Variants in GOPC observed in about 807,000 individuals in gnomAD.
The protein encoded by GOPC is golgi associated PDZ and coiled-coil motif containing, also known as Golgi-associated PDZ and coiled-coil motif-containing protein.
A neutral mutation model predicts 51.2 loss-of-function variants in GOPC; 32 were observed. The ratio of observed to expected loss-of-function variants is 0.63; its 90% CI spans 0.47 to 0.84. The LOEUF (loss-of-function observed/expected upper bound fraction) is 0.84, where lower values mean the gene tolerates loss of function less well. Ranked by LOEUF, GOPC falls within the 40% of genes least tolerant of loss-of-function variation. The pLI, the probability that GOPC is intolerant of heterozygous loss-of-function variation, is 0.00. For missense variants in GOPC, 441 were observed against 555.5 expected (o/e 0.79, Z 2.07); for synonymous variants, 190 against 205.1 (o/e 0.93, Z 0.63).
chr6:117,575,825 A>G (rs960778508), intron 3 of GOPC, among the ~76,000 whole-genome samples: 1 of 152,320 alleles, frequency 6.6e-6, no homozygotes, highest in Non-Finnish European at 1.5e-5. Flanking sequence ...TTTGTTCACA[A>G]TATGTGGAAG....
rs550673594 is a variant in GOPC, at chr6:117,578,634, ATG to A, written c.450+264_450+265del. Among the ~76,000 whole-genome samples, 246 of 152,202 alleles carry A rather than the reference ATG, an allele frequency of 1.6e-3. 1 individual carries two copies. The highest frequency in any genetic ancestry group is 5.6e-3 in the African/African-American group (232 of 41,568). On this transcript the variant is annotated intron_variant, in intron 2 of 8. Transcript: ENST00000368498. The stretch of plus-strand genomic sequence containing the variant: ...ACAGTAGGGCAAAAAAAAATCTTAT[ATG>A]TTATAATCACAAATATCTTTTAAAC...
intron 5 of GOPC, among the ~76,000 whole-genome samples, chr6:117,572,270 C>G (rs1482876210): frequency 6.6e-6 from 1 of 152,120 alleles, no homozygotes; most frequent in East Asian, 1.9e-4. Flanking sequence ...CCAGACTCTT[C>G]TTTTTCACTA....
At chr6:117,570,786 C>A in intron 6 of GOPC, 74 bp downstream of exon 6, 1 of 577,934 alleles carries the variant, frequency 1.7e-6, no homozygotes, top group East Asian at 3.0e-5. Flanking sequence ...TTCTGTTCCC[C>A]AGTGATGTCC....
At chr6:117,599,533 C>T (rs1771956223) in intron 1 of GOPC, among the ~76,000 whole-genome samples, 1 of 152,148 alleles carries the variant, frequency 6.6e-6, no homozygotes, top group African/African-American at 2.4e-5. Context: ...TACAGATTAA[C>T]ATCAAAGACA....
chr6:117,565,807 C>A (rs779660741), intron 8 of GOPC, among the ~76,000 whole-genome samples: 1 of 152,032 alleles, frequency 6.6e-6, no homozygotes, highest in Non-Finnish European at 1.5e-5. Context: ...CCAAATAGTC[C>A]GAAAATCCAT....
chr6:117,592,175 T>C (rs568184604), intron 1 of GOPC, among the ~76,000 whole-genome samples: 16 of 152,296 alleles, frequency 1.1e-4, no homozygotes, highest in African/African-American at 3.8e-4. Flanking sequence ...GAGACGAACC[T>C]GGCCAACATG....
chr6:117,600,899 A>C (rs1771993940), intron 1 of GOPC, among the ~76,000 whole-genome samples: 1 of 152,232 alleles, frequency 6.6e-6, no homozygotes, highest in South Asian at 2.1e-4. Context: ...TGGATATGTA[A>C]ATCTATGTTA....
intron 1 of GOPC, among the ~76,000 whole-genome samples, chr6:117,581,374 A>G (rs1431005063): frequency 1.3e-5 from 2 of 151,884 alleles, no homozygotes; most frequent in Non-Finnish European, 2.9e-5. Flanking sequence ...CTTTTTTTTA[A>G]ATAACTTTTT....
intron 8 of GOPC, 104 bp from the exon 9 acceptor site, chr6:117,563,488 A>C (rs1044568156): frequency 9.5e-6 from 10 of 1,050,190 alleles, no homozygotes; most frequent in Non-Finnish European, 1.4e-5. Context: ...TTGAGAGGCC[A>C]AGGTGGGTGG....
intron 1 of GOPC, among the ~76,000 whole-genome samples, chr6:117,579,765 A>AG (rs1779931475): frequency 1.3e-5 from 2 of 152,092 alleles, no homozygotes; most frequent in African/African-American, 4.8e-5. Flanking sequence ...TTAAAGATCA[A>AG]GACATGCCTT....
chr6:117,569,926 G>A, intron 6 of GOPC, 190 bp from the exon 7 acceptor site: 4 of 577,190 alleles, frequency 6.9e-6, no homozygotes, highest in South Asian at 4.8e-5. Context: ...ACAGAAATTG[G>A]CTAAATTCTT....
At chr6:117,582,911 G>T (rs1443586846) in intron 1 of GOPC, among the ~76,000 whole-genome samples, 1 of 151,838 alleles carries the variant, frequency 6.6e-6, no homozygotes, top group Non-Finnish European at 1.5e-5. Flanking sequence ...CCTTACTGGT[G>T]GAGGGCAGCT....
At position 117,563,073 on chromosome 6, in the gene GOPC, C is replaced by G. The variant is rs921164796; in HGVS notation, c.*181G>C. On this transcript the variant is annotated 3_prime_UTR_variant, in exon 9 of 9. Coordinates refer to ENST00000368498, the MANE Select transcript of GOPC (RefSeq NM_020399.4). Reference sequence around the variant, plus strand: ...TTTACATGCAATAGCTAATTATGGTCTACCACAGAAAACAGGGTGTTTTAT... The same window carrying G: ...TTTACATGCAATAGCTAATTATGGTGTACCACAGAAAACAGGGTGTTTTAT... 1.7e-5 allele frequency: 10 copies of G among 575,004 alleles called. No individual in the cohort carries two copies. Among genetic ancestry groups the G allele is most frequent in the Non-Finnish European group, 2.5e-5 (8 of 325,554 alleles). The allele number at this position is 575,004 out of a possible 1,614,324, so 35.6% of individuals were successfully genotyped here. A position where few individuals can be genotyped will look rare whatever the true frequency, so the allele number is the denominator to read the frequency against.
At chr6:117,599,975 T>C (rs1229265126) in intron 1 of GOPC, among the ~76,000 whole-genome samples, 1 of 152,236 alleles carries the variant, frequency 6.6e-6, no homozygotes, top group African/African-American at 2.4e-5. Flanking sequence ...TAATGCCCAG[T>C]TGATACTGCA....
intron 4 of GOPC, among the ~76,000 whole-genome samples, chr6:117,574,974 G>C (rs973367449): frequency 6.6e-6 from 1 of 152,136 alleles, no homozygotes; most frequent in East Asian, 1.9e-4. Flanking sequence ...AGCTACTCAG[G>C]AGGCTGAGGT....
At position 117,570,881 on chromosome 6, in the gene GOPC, T is replaced by G; in HGVS notation, c.891A>C (p.Glu297Asp). The stretch of plus-strand genomic sequence containing the variant: ...TTACTGTAATTGAAATGCCAAGGCC[T>G]TCATGATCTTCCTTAAGGAGGAGAA... ...RKVLLLKEDH[E>D]GLGISITGGK... Residue 297 changes from glutamate (E) to aspartate (D), a missense_variant, in exon 6 of 9, where the codon GAA (glutamate) becomes GAC (aspartate). This residue lies in a region of GOPC where 166 missense variants were observed against 267.0 expected (regional missense o/e 0.62). Coordinates refer to ENST00000368498, the MANE Select transcript of GOPC (RefSeq NM_020399.4). 6.3e-7 allele frequency: 1 copy of G among 1,583,780 alleles called. No homozygotes were observed. The highest frequency in any genetic ancestry group is 8.6e-7 in the Non-Finnish European group (1 of 1,158,604).
intron 1 of GOPC, among the ~76,000 whole-genome samples, chr6:117,583,457 C>T (rs774833304): frequency 5.3e-5 from 8 of 152,196 alleles, no homozygotes; most frequent in Admixed American, 6.5e-5. Flanking sequence ...CTCCCCAACA[C>T]TAAATGCTTT....
intron 1 of GOPC, among the ~76,000 whole-genome samples, chr6:117,582,651 A>T (rs1183449745): frequency 6.6e-6 from 1 of 150,892 alleles, no homozygotes. Context: ...GGGGAGAGTG[A>T]CATGCCCTTC....
chr6:117,591,728 G>C (rs1780120131), intron 1 of GOPC, among the ~76,000 whole-genome samples: 1 of 152,182 alleles, frequency 6.6e-6, no homozygotes, highest in African/African-American at 2.4e-5. Flanking sequence ...AAGCAGCTAA[G>C]AAGGGGTGAT....
Sources: allele counts gnomAD v4.1 joint callset (sites outside exome capture counted in the v4.1 genomes callset), GRCh38; gene constraint gnomAD v4.1.1; regional missense constraint gnomAD v4.1.1; transcripts MANE v1.5; gene names NCBI Gene and HGNC (gene_info 2026-07-23, HGNC 2026-07-21).